The following EIF4G3 variants were observed in gnomAD, a reference collection of about 807,000 sequenced individuals.
EIF4G3 encodes the protein eIF-4-gamma 3.
Under a neutral mutation model 186.4 loss-of-function variants are expected in EIF4G3, and 34 were observed. The observed-to-expected ratio is 0.18, with a 90% CI of 0.14 to 0.24. The LOEUF (loss-of-function observed/expected upper bound fraction) is 0.24. Ranked by LOEUF, EIF4G3 falls within the 10% of genes least tolerant of loss-of-function variation. The pLI is 1.00. For synonymous variants in EIF4G3, 673 were observed against 679.5 expected, an observed-to-expected ratio of 0.99 and a Z score of 0.15; for missense variants, 1,536 against 1,948.5, an observed-to-expected ratio of 0.79 and a Z score of 3.99.
chr1:21,170,614 T>A (rs1449038316), intron 2 of EIF4G3, among the ~76,000 whole-genome samples: 1 of 151,898 alleles, frequency 6.6e-6, no homozygotes, highest in East Asian at 1.9e-4. Flanking sequence ...GAGGATGCAG[T>A]GAGCCGAGAC....
intron 20 of EIF4G3, among the ~76,000 whole-genome samples, chr1:20,876,683 G>T (rs1180336411): frequency 6.6e-6 from 1 of 152,160 alleles, no homozygotes; most frequent in African/African-American, 2.4e-5. Flanking sequence ...TGTTCAAATA[G>T]GTTGTTATCT....
intron 4 of EIF4G3, among the ~76,000 whole-genome samples, chr1:21,022,767 C>A (rs768232757): frequency 1.3e-5 from 2 of 152,272 alleles, no homozygotes; most frequent in Admixed American, 6.5e-5. Context: ...TTGGAAAAAA[C>A]CAAGTCTCTC....
intron 10 of EIF4G3, among the ~76,000 whole-genome samples, chr1:20,975,780 T>A (rs986796085): frequency 6.6e-6 from 1 of 152,108 alleles, no homozygotes; most frequent in Non-Finnish European, 1.5e-5. Flanking sequence ...TGGAATGAAG[T>A]ACATTTGTAT....
chr1:21,015,431 T>C (rs932052567), intron 4 of EIF4G3, among the ~76,000 whole-genome samples: 1 of 151,488 alleles, frequency 6.6e-6, no homozygotes, highest in East Asian at 1.9e-4. Flanking sequence ...GAACCCCACA[T>C]AGGAAAAAAA....
rs377253933 is a variant in EIF4G3 at position 21,133,381 on chromosome 1, C to T, written c.-272+42794G>A. Among the ~76,000 whole-genome samples the T allele has an allele frequency of 1.8e-4, 28 of 152,230 alleles. No homozygotes were observed. In the East Asian group the frequency reaches 4.3e-3, roughly 23 times the overall value. On this transcript the variant is annotated intron_variant, in intron 2 of 36. Transcript: ENST00000602326. ...CTGGGACTACAGGCGTGTGCCACCA[C>T]GCCCGGCTAATTTTTGTATTTTTTT...
intron 15 of EIF4G3, among the ~76,000 whole-genome samples, chr1:20,901,644 A>G (rs931769823): frequency 6.6e-5 from 10 of 152,186 alleles, no homozygotes; most frequent in Non-Finnish European, 1.5e-4. Flanking sequence ...TGAATAACAA[A>G]CCATAATTCA....
At chr1:20,872,845 T>C (rs1189611374) in intron 20 of EIF4G3, among the ~76,000 whole-genome samples, 1 of 150,278 alleles carries the variant, frequency 6.7e-6, no homozygotes, top group East Asian at 2.0e-4. Context: ...CAAGCAATTC[T>C]CCTGCCTCAG....
chr1:20,955,322 CTT>C (rs1169520605), intron 12 of EIF4G3, among the ~76,000 whole-genome samples: 1 of 152,026 alleles, frequency 6.6e-6, no homozygotes, highest in Non-Finnish European at 1.5e-5. Flanking sequence ...GCCTCGACCT[CTT>C]GAGTTCAAGT....
intron 11 of EIF4G3, among the ~76,000 whole-genome samples, chr1:20,972,095 T>G (rs1360091935): frequency 6.6e-6 from 1 of 152,166 alleles, no homozygotes; most frequent in African/African-American, 2.4e-5. Flanking sequence ...CTTCTACAAT[T>G]TTTCTGCCAT....
intron 6 of EIF4G3, among the ~76,000 whole-genome samples, chr1:20,998,204 T>G (rs922710264): frequency 6.9e-6 from 1 of 144,680 alleles, no homozygotes; most frequent in African/African-American, 2.7e-5. Flanking sequence ...AAAAATCTTT[T>G]ATGACTTTAC....
intron 2 of EIF4G3, among the ~76,000 whole-genome samples, chr1:21,110,383 C>A (rs1239469986): frequency 6.6e-6 from 1 of 152,034 alleles, no homozygotes; most frequent in East Asian, 1.9e-4. Flanking sequence ...GCAACCTCCA[C>A]CTCCCAGGTT....
chr1:21,085,567 G>C (rs2095939550), intron 3 of EIF4G3, among the ~76,000 whole-genome samples: 1 of 151,740 alleles, frequency 6.6e-6, no homozygotes, highest in Admixed American at 6.6e-5. Flanking sequence ...TGCCTGGCTA[G>C]TTTATTTTTT....
intron 4 of EIF4G3, among the ~76,000 whole-genome samples, chr1:21,035,998 C>T (rs1487607329): frequency 6.6e-6 from 1 of 152,176 alleles, no homozygotes; most frequent in Non-Finnish European, 1.5e-5. Flanking sequence ...AGAGGAGCTA[C>T]CCTCTCTAGG....
intron 3 of EIF4G3, among the ~76,000 whole-genome samples, chr1:21,085,291 T>C (rs1183867530): frequency 6.6e-6 from 1 of 152,138 alleles, no homozygotes. Context: ...CATTATCGTA[T>C]TTTAAGAGGG....
intron 16 of EIF4G3, 24 bp downstream of exon 16, chr1:20,899,673 A>ATAGGAAGGCAGGTATAAACT: frequency 6.2e-7 from 1 of 1,613,070 alleles, no homozygotes; most frequent in Non-Finnish European, 8.5e-7. Flanking sequence ...AAAGAGGTAC[A>ATAGGAAGGCAGGTATAAACT]TAGGAAGGCA....
chr1:20,938,657 C>T (rs767766962), intron 14 of EIF4G3, among the ~76,000 whole-genome samples: 1 of 152,076 alleles, frequency 6.6e-6, no homozygotes, highest in Admixed American at 6.5e-5. Flanking sequence ...TGAATAAGTG[C>T]AAATAAATTA....
intron 2 of EIF4G3, among the ~76,000 whole-genome samples, chr1:21,164,773 AG>A (rs1485064966): frequency 6.6e-6 from 1 of 152,228 alleles, no homozygotes; most frequent in East Asian, 1.9e-4. Flanking sequence ...CTTAGGTGGG[AG>A]GGCTCCTTGA....
At chr1:21,072,397 TTTTA>T (rs142374059) in intron 3 of EIF4G3, among the ~76,000 whole-genome samples, 2 of 151,854 alleles carry the variant, frequency 1.3e-5, no homozygotes, top group Admixed American at 6.6e-5. Flanking sequence ...AATTTTTTTA[TTTTA>T]TTTATTTATT....
At chr1:20,833,402 GCTCT>G (rs935756175) in intron 30 of EIF4G3, among the ~76,000 whole-genome samples, 5 of 151,918 alleles carry the variant, frequency 3.3e-5, no homozygotes, top group Non-Finnish European at 1.5e-5. Flanking sequence ...TCATGATTTG[GCTCT>G]CTGTCTGTTG....
Sources: gnomAD v4.1 joint callset for allele counts (sites outside exome capture counted in the v4.1 genomes callset) on GRCh38, gnomAD v4.1.1 for gene constraint, MANE v1.5 for transcripts, NCBI Gene and HGNC (gene_info 2026-07-23, HGNC 2026-07-21) for gene names.